OXNAD1: variants seen among roughly 807,000 people sequenced by gnomAD.
OXNAD1 encodes oxidoreductase NAD-binding domain-containing protein 1.
A neutral mutation model predicts 32.9 loss-of-function variants in OXNAD1; 34 were observed. The observed-to-expected ratio is 1.03, with a 90% CI of 0.79 to 1.38. OXNAD1 has a LOEUF of 1.38. Ranked by LOEUF, OXNAD1 falls within the 40% of genes most tolerant of loss-of-function variation. OXNAD1 has a pLI of 0.00. For synonymous variants in OXNAD1, 134 were observed against 135.2 expected, an observed-to-expected ratio of 0.99 and a Z score of 0.06; for missense variants, 407 against 379.4, an observed-to-expected ratio of 1.07 and a Z score of -0.60.
At chr3:16,285,708 G>A (rs1188707460) in intron 4 of OXNAD1, among the ~76,000 whole-genome samples, 1 of 152,152 alleles carries the variant, frequency 6.6e-6, no homozygotes. Context: ...TGTTAAGATT[G>A]TGATCTGTTT....
In OXNAD1 at chr3:16,271,028, C is replaced by A; in HGVS notation, c.76C>A (p.Leu26Met). Residue 26 changes from leucine to methionine, a missense_variant, in exon 3 of 9, where the codon CTG becomes ATG. Physicochemically the swap from Leu to Met is conservative, Grantham distance 15. Coordinates refer to ENST00000285083, the MANE Select transcript of OXNAD1 (RefSeq NM_138381.5). This position sits in a 1 kb window ranked among gnomAD's most constrained non-coding sequence, Gnocchi z 4.6. ...AGCCATCCGTATTGAGGCTGCGTCA[C>A]TGAGATTGACACTCAGCACTTTGCG... ...VGAIRIEAAS[L>M]RLTLSTLRHL... 5.6e-6 allele frequency: 9 copies of A among 1,614,206 alleles called. No individual in the cohort carries two copies. The highest frequency in any genetic ancestry group is 6.8e-6 in the Non-Finnish European group (8 of 1,180,042).
chr3:16,315,680 A>C (rs1266212913), intron 9 of OXNAD1: 2 of 152,240 alleles, frequency 1.3e-5, no homozygotes, highest in Non-Finnish European at 2.9e-5. Context: ...GAGAAAGCAC[A>C]GCAAGCCTAG....
Position 16,286,359 on chromosome 3 carries a change from GGT to G in OXNAD1, c.207_208del (p.Cys69TrpfsTer5). ...GGTTTTAGATTGTGTCAGCAGCTAAGGTGTGTGGAGCTGCCAGTGAGTCACCG... is the reference window on the plus strand; with the variant it reads ...GGTTTTAGATTGTGTCAGCAGCTAAGGTGTGGAGCTGCCAGTGAGTCACCG... ...LRREIVSAAK[V>X]CGAASESPSV... On this transcript the variant is annotated frameshift_variant, in exon 5 of 9. Coordinates refer to ENST00000285083, the MANE Select transcript of OXNAD1 (RefSeq NM_138381.5). LOFTEE classifies it high-confidence loss of function. The G allele has an allele frequency of 6.2e-7, 1 of 1,613,538 alleles. No individual in the cohort carries two copies. Among genetic ancestry groups the G allele is most frequent in the Non-Finnish European group, 8.5e-7 (1 of 1,179,506 alleles).
downstream of OXNAD1, among the ~76,000 whole-genome samples, chr3:16,350,930 A>G (rs1306389812): frequency 1.3e-5 from 2 of 152,230 alleles, no homozygotes; most frequent in African/African-American, 4.8e-5. Context: ...GAAACCATAG[A>G]AATTGATGTT....
chr3:16,268,797 G>T (rs2064734891), intron 1 of OXNAD1, among the ~76,000 whole-genome samples: 1 of 152,152 alleles, frequency 6.6e-6, no homozygotes, highest in Non-Finnish European at 1.5e-5. Context: ...CAATATAGTG[G>T]TTAAATTTTA....
At chr3:16,343,483 C>T (rs1017409758) in intron 9 of OXNAD1, among the ~76,000 whole-genome samples, 3 of 152,196 alleles carry the variant, frequency 2.0e-5, no homozygotes, top group Non-Finnish European at 4.4e-5. Context: ...TTGTTTCCCA[C>T]CATTTCCAGG....
chr3:16,317,147 T>C lies in OXNAD1; in HGVS notation c.*30+13555T>C. On this transcript the variant is annotated intron_variant, in intron 9 of 9. Coordinates refer to the OXNAD1 transcript ENST00000435829. This position sits in a 1 kb window ranked among gnomAD's most constrained non-coding sequence, Gnocchi z 4.3. ...TAAGTTCTTCTCATTTTCTTCTGCT[T>C]GTTGTTTGTCTCTGGCACTGAGTTT... The C allele has an allele frequency of 6.2e-7, 1 of 1,613,766 alleles. No individual in the cohort carries two copies. Among genetic ancestry groups the C allele is most frequent in the South Asian group, 1.1e-5 (1 of 91,064 alleles).
intron 9 of OXNAD1, among the ~76,000 whole-genome samples, chr3:16,311,532 A>G (rs1348192040): frequency 6.6e-6 from 1 of 152,224 alleles, no homozygotes; most frequent in Non-Finnish European, 1.5e-5. Flanking sequence ...GGTTCTGGAA[A>G]AGTTCCAGGC....
rs1275034449 is a variant in OXNAD1 at position 16,317,921 on chromosome 3, G to A, written c.*30+14329G>A. ...CATCCCAGCTCCAAGCCAACCTGGG[G>A]GATTGTGACTGCATCACAGCCCAAA... On this transcript the variant is annotated intron_variant, in intron 9 of 9. Transcript: ENST00000435829. The surrounding 1 kb of genome is among the most constrained non-coding windows in gnomAD (Gnocchi z 4.3). 1.3e-5 allele frequency among the ~76,000 whole-genome samples: 2 copies of A among 152,148 alleles called. No individual in the cohort carries two copies. The highest frequency in any genetic ancestry group is 2.9e-5 in the Non-Finnish European group (2 of 68,020).
At position 16,312,040 on chromosome 3, in the gene OXNAD1, G is replaced by A. The variant is rs899721721; in HGVS notation, c.*30+8448G>A. Among the ~76,000 whole-genome samples the A allele has an allele frequency of 1.3e-5, 2 of 152,142 alleles. No homozygotes were observed. Among genetic ancestry groups the A allele is most frequent in the Non-Finnish European group, 2.9e-5 (2 of 68,030 alleles). ...GAGGGACATGCCGCTGTTGTGCAAGGGCTGGGGAAGCAAGCACCAGCCAGG... is the reference window on the plus strand; with the variant it reads ...GAGGGACATGCCGCTGTTGTGCAAGAGCTGGGGAAGCAAGCACCAGCCAGG... On this transcript the variant is annotated intron_variant, in intron 9 of 9. Transcript: ENST00000435829. The surrounding 1 kb of genome is among the most constrained non-coding windows in gnomAD (Gnocchi z 4.7).
In OXNAD1 at chr3:16,289,807, C is replaced by T. The variant is rs950092640; in HGVS notation, c.290+3359C>T. ...TCCTGTACTCCTGGTAGAATTGACT[C>T]CTCCTTCCTCTGCCTTGCCTCGCTA... On this transcript the variant is annotated intron_variant, in intron 5 of 8. Coordinates refer to ENST00000285083, the MANE Select transcript of OXNAD1 (RefSeq NM_138381.5). The surrounding 1 kb of genome is among the most constrained non-coding windows in gnomAD (Gnocchi z 4.9). 1.6e-4 allele frequency among the ~76,000 whole-genome samples: 24 copies of T among 152,182 alleles called. No homozygotes were observed. The highest frequency in any genetic ancestry group is 6.5e-4 in the Admixed American group (10 of 15,284).
downstream of OXNAD1, among the ~76,000 whole-genome samples, chr3:16,338,407 G>A (rs1427117128): frequency 2.0e-5 from 3 of 152,250 alleles, no homozygotes; most frequent in Admixed American, 1.3e-4. The surrounding 1 kb of genome is among the most constrained non-coding windows in gnomAD (Gnocchi z 5.3). Flanking sequence ...TCTGACTGTG[G>A]TTAAGCAACA....
chr3:16,294,975 C>T lies in OXNAD1; in HGVS notation c.410C>T (p.Pro137Leu), dbSNP rs1379402717. 9 of 1,612,852 alleles carry T rather than the reference C, an allele frequency of 5.6e-6. No homozygotes were observed. The highest frequency in any genetic ancestry group is 6.8e-6 in the Non-Finnish European group (8 of 1,179,366). The change falls in exon 6 of 9, where the codon CCT (proline) becomes CTT (leucine). Residue 137 changes from proline to leucine, a missense_variant. Pro to Leu is a moderately conservative substitution (Grantham distance 98). Coordinates refer to ENST00000285083, the MANE Select transcript of OXNAD1 (RefSeq NM_138381.5). Reference protein sequence around the residue: ...ELAVKYTNHPPALWVHNTCTL... With the variant: ...ELAVKYTNHPLALWVHNTCTL... ...GCAGTGAAATATACGAACCACCCTC[C>T]TGCCCTCTGGGTTCACAATACGGTA...
downstream of OXNAD1, chr3:16,350,323 T>C (rs1436677957): frequency 6.7e-6 from 1 of 149,478 alleles, no homozygotes; most frequent in African/African-American, 2.4e-5. Flanking sequence ...TCCTTGTCTA[T>C]GCCTTCTTGT....
chr3:16,275,943 T>C (rs1559729462), intron 4 of OXNAD1: 1 of 152,748 alleles, frequency 6.5e-6, no homozygotes, highest in Non-Finnish European at 1.5e-5. Context: ...AAAAGATGTG[T>C]GAAAAGCACC....
rs368902264 is a variant in OXNAD1, at chr3:16,316,996, A to G, written c.*30+13404A>G. ...CCACACCCACCCCACACAGCAGGCCACCAGGGGACAGCTGTTCTCCCTTGT... is the reference window on the plus strand; with the variant it reads ...CCACACCCACCCCACACAGCAGGCCGCCAGGGGACAGCTGTTCTCCCTTGT... On this transcript the variant is annotated intron_variant, in intron 9 of 9. Transcript: ENST00000435829. This position sits in a 1 kb window ranked among gnomAD's most constrained non-coding sequence, Gnocchi z 4.5. The G allele has an allele frequency of 9.3e-6, 15 of 1,613,126 alleles. No homozygotes were observed. The African/African-American group carries it at 2.0e-4, about 22-fold the overall frequency.
At chr3:16,294,502 A>G (rs2066640074) in intron 5 of OXNAD1, among the ~76,000 whole-genome samples, 3 of 152,142 alleles carry the variant, frequency 2.0e-5, no homozygotes, top group Admixed American at 2.0e-4. Context: ...AGCCACTGCG[A>G]CTGGCCTGGG....
chr3:16,350,584 T>C (rs2072033653), downstream of OXNAD1, among the ~76,000 whole-genome samples: 1 of 152,100 alleles, frequency 6.6e-6, no homozygotes, highest in South Asian at 2.1e-4. Flanking sequence ...CACACAAGAA[T>C]TTGATAAAAG....
At chr3:16,330,258 C>G (rs1177289014) in intron 9 of OXNAD1, among the ~76,000 whole-genome samples, 1 of 152,202 alleles carries the variant, frequency 6.6e-6, no homozygotes, top group African/African-American at 2.4e-5. Flanking sequence ...CTGCCAGACT[C>G]TCCCACTCCG....
Sources: allele counts gnomAD v4.1 joint callset (sites outside exome capture counted in the v4.1 genomes callset), GRCh38; gene constraint gnomAD v4.1.1; non-coding constraint Gnocchi (gnomAD v3.1); transcripts MANE v1.5; gene names NCBI Gene and HGNC (gene_info 2026-07-23, HGNC 2026-07-21).